STK39: variants seen among roughly 807,000 people sequenced by gnomAD.
STK39 encodes STE20/SPS1-related proline-alanine-rich protein kinase.
STK39 carries 20 observed loss-of-function variants against 77.8 expected under a neutral mutation model. The ratio of observed to expected loss-of-function variants is 0.26; its 90% CI spans 0.18 to 0.37. STK39 has a LOEUF of 0.37. STK39 is among the 10% of genes least tolerant of loss of function. The probability of loss-of-function intolerance (pLI) is 1.00; values close to 1 mark genes in which losing one functional copy is unlikely to be tolerated. For missense variants in STK39, 479 were observed against 656.5 expected (o/e 0.73, Z 2.95); for synonymous variants, 246 against 234.1 (o/e 1.05, Z -0.47).
intron 5 of STK39, among the ~76,000 whole-genome samples, chr2:168,153,638 G>C (rs1016732366): frequency 8.8e-6 from 1 of 113,168 alleles, no homozygotes; most frequent in African/African-American, 4.4e-5. Flanking sequence ...AAAATATGGG[G>C]TGGGGGGGGG....
chr2:168,211,238 TATCTC>T (rs67816289), intron 1 of STK39, among the ~76,000 whole-genome samples: 23,292 of 152,150 alleles, frequency 0.15, 1,854 homozygotes, highest in East Asian at 0.25. Context: ...CCACCCCATC[TATCTC>T]ATCTCAAGAG....
chr2:168,218,515 G>A (rs558369028), intron 1 of STK39, among the ~76,000 whole-genome samples: 33 of 152,218 alleles, frequency 2.2e-4, no homozygotes, highest in Non-Finnish European at 4.0e-4. Flanking sequence ...CTAGCCAAAC[G>A]CTCAACCAAG....
At chr2:168,223,789 G>A (rs1490887056) in intron 1 of STK39, among the ~76,000 whole-genome samples, 1 of 152,020 alleles carries the variant, frequency 6.6e-6, no homozygotes, top group African/African-American at 2.4e-5. Flanking sequence ...TGAGTAATTG[G>A]TCCAGTCCTT....
intron 2 of STK39, among the ~76,000 whole-genome samples, chr2:168,176,310 C>T (rs1450544293): frequency 6.6e-6 from 1 of 150,486 alleles, no homozygotes; most frequent in East Asian, 2.0e-4. Flanking sequence ...CCCCTTAAAC[C>T]TCAATTAAAA....
chr2:168,104,320 A>G (rs1381658719), intron 10 of STK39, among the ~76,000 whole-genome samples: 1 of 152,208 alleles, frequency 6.6e-6, no homozygotes, highest in African/African-American at 2.4e-5. Context: ...CATTAGGAAA[A>G]AAAATCCCAC....
chr2:167,986,994 A>G (rs946849002), intron 16 of STK39, among the ~76,000 whole-genome samples: 3 of 152,194 alleles, frequency 2.0e-5, no homozygotes, highest in African/African-American at 7.2e-5. Context: ...GGCCAACAAG[A>G]CTGTGGGCTG....
intron 16 of STK39, among the ~76,000 whole-genome samples, chr2:167,979,335 C>T (rs1382008035): frequency 6.6e-6 from 1 of 152,188 alleles, no homozygotes; most frequent in Non-Finnish European, 1.5e-5. Context: ...TACAAACTTG[C>T]TAACACTTAG....
In STK39 at chr2:168,071,477, T is replaced by C. The variant is rs548257995; in HGVS notation, c.1242+3505A>G. ...ATGTAAATACTCTGGCATTTAAATG[T>C]GTTATTTGGCACAGATAAGCATTTT... is the stretch of plus-strand genomic sequence containing the variant. On this transcript the variant is annotated intron_variant, in intron 12 of 17. Transcript: ENST00000355999. Among the ~76,000 whole-genome samples the C allele has an allele frequency of 2.6e-5, 4 of 152,304 alleles. No individual in the cohort carries two copies. The East Asian group carries it at 7.7e-4, about 29-fold the overall frequency.
intron 16 of STK39, among the ~76,000 whole-genome samples, chr2:168,004,460 C>T (rs1483998522): frequency 2.6e-5 from 4 of 152,026 alleles, no homozygotes; most frequent in Non-Finnish European, 4.4e-5. Flanking sequence ...GGGCTGGGCG[C>T]GTTGGCTCAC....
intron 5 of STK39, among the ~76,000 whole-genome samples, chr2:168,155,902 G>A (rs1453181033): frequency 1.3e-5 from 2 of 152,184 alleles, no homozygotes; most frequent in African/African-American, 4.8e-5. Context: ...ACCTGCTGCT[G>A]AGACAGGGTG....
chr2:167,961,282 G>GA (rs767271605), intron 17 of STK39, among the ~76,000 whole-genome samples: 1 of 152,138 alleles, frequency 6.6e-6, no homozygotes, highest in Non-Finnish European at 1.5e-5. Context: ...TAGTCACTGT[G>GA]AAAATGCTTA....
intron 16 of STK39, among the ~76,000 whole-genome samples, chr2:167,974,961 A>G (rs1039776688): frequency 3.9e-5 from 6 of 152,232 alleles, no homozygotes; most frequent in Admixed American, 2.0e-4. Context: ...AATTGTTTAG[A>G]TATACAATTT....
At chr2:168,195,747 TG>T (rs1431814809) in intron 1 of STK39, among the ~76,000 whole-genome samples, 4 of 152,214 alleles carry the variant, frequency 2.6e-5, no homozygotes, top group African/African-American at 9.6e-5. Context: ...CTGCGCGAGG[TG>T]GCTCACGCCT....
At chr2:168,104,733 T>G (rs1423190324) in intron 10 of STK39, among the ~76,000 whole-genome samples, 1 of 152,208 alleles carries the variant, frequency 6.6e-6, no homozygotes, top group Non-Finnish European at 1.5e-5. Flanking sequence ...AACCATGACA[T>G]TCTGGAAGAC....
intron 1 of STK39, among the ~76,000 whole-genome samples, chr2:168,239,007 T>C (rs1690689891): frequency 1.3e-5 from 2 of 152,198 alleles, no homozygotes; most frequent in South Asian, 2.1e-4. Flanking sequence ...TTATAACATC[T>C]ATTAGAATGA....
intron 10 of STK39, among the ~76,000 whole-genome samples, chr2:168,076,987 T>C (rs1686096704): frequency 6.6e-6 from 1 of 152,192 alleles, no homozygotes; most frequent in Non-Finnish European, 1.5e-5. Flanking sequence ...TGTTGACATA[T>C]ACAATAAAAT....
chr2:168,213,240 CTATT>C (rs1689938840), intron 1 of STK39, among the ~76,000 whole-genome samples: 1 of 152,204 alleles, frequency 6.6e-6, no homozygotes, highest in Admixed American at 6.5e-5. Context: ...GAGCACAAAA[CTATT>C]TGTGTAGATT....
intron 1 of STK39, among the ~76,000 whole-genome samples, chr2:168,191,993 C>A (rs1296467084): frequency 1.3e-5 from 2 of 151,972 alleles, no homozygotes; most frequent in African/African-American, 4.8e-5. Context: ...GAAGAGGAGC[C>A]CTTTCTGAAG....
At chr2:168,242,957 G>A (rs28488756) in intron 1 of STK39, among the ~76,000 whole-genome samples, 112,623 of 150,106 alleles carry the variant, frequency 0.75, 43,626 homozygotes, top group Non-Finnish European at 0.86. Flanking sequence ...TATTAAAAAA[G>A]AAAGTGAAAT....
Sources: gnomAD v4.1 joint callset for allele counts (sites outside exome capture counted in the v4.1 genomes callset) on GRCh38, gnomAD v4.1.1 for gene constraint, MANE v1.5 for transcripts, NCBI Gene and HGNC (gene_info 2026-07-23, HGNC 2026-07-21) for gene names.